The following IP6K2 variants were observed in gnomAD, a reference collection of about 807,000 sequenced individuals.
IP6K2 encodes the protein ATP:1D-myo-inositol-hexakisphosphate phosphotransferase.
Under a neutral mutation model 43.3 loss-of-function variants are expected in IP6K2, and 9 were observed. The observed-to-expected ratio is 0.21, with a 90% CI of 0.13 to 0.36. The LOEUF is 0.36. Among genes scored for constraint, IP6K2 ranks in the 10% least tolerant of loss-of-function variants. IP6K2 has a pLI of 1.00. For missense variants in IP6K2, 332 were observed against 538.4 expected (o/e 0.62, Z 3.79); for synonymous variants, 209 against 202.4 (o/e 1.03, Z -0.28).
At chr3:48,696,985 G>A (rs920702831) in intron 1 of IP6K2, among the ~76,000 whole-genome samples, 5 of 151,812 alleles carry the variant, frequency 3.3e-5, no homozygotes, top group African/African-American at 9.7e-5. Flanking sequence ...TGCCTCTAGG[G>A]CACATGATAT....
chr3:48,695,348 C>T lies in IP6K2; in HGVS notation c.-57G>A, dbSNP rs753311097. On this transcript the variant is annotated 5_prime_UTR_variant, in exon 2 of 6. Coordinates refer to ENST00000328631, the MANE Select transcript of IP6K2 (RefSeq NM_016291.4). The surrounding 1 kb of genome is among the most constrained non-coding windows in gnomAD (Gnocchi z 4.6). ...AGGCAGCGGAGTCCAGCGGCCAGTA[C>T]GTCTTCTGTCTGTTGTTTGTCCGTG... 13 of 1,547,354 alleles carry T rather than the reference C, an allele frequency of 8.4e-6. No homozygotes were observed. In the Admixed American group the frequency reaches 1.4e-4, roughly 16 times the overall value.
At chr3:48,708,973 T>C (rs71324917) in intron 1 of IP6K2, among the ~76,000 whole-genome samples, 33 of 151,876 alleles carry the variant, frequency 2.2e-4, no homozygotes, top group Non-Finnish European at 3.1e-4. Flanking sequence ...GAGGCAGAGG[T>C]GGAGGGATCA....
chr3:48,715,571 TC>T, intron 1 of IP6K2: 2 of 1,101,446 alleles, frequency 1.8e-6, no homozygotes. Flanking sequence ...TACACTGATT[TC>T]TAGATCTCCC....
In IP6K2 at chr3:48,688,347, C is replaced by G; in HGVS notation, c.1207G>C (p.Asp403His). 6.2e-7 allele frequency: 1 copy of G among 1,614,252 alleles called. No homozygotes were observed. Among genetic ancestry groups the G allele is most frequent in the Non-Finnish European group, 8.5e-7 (1 of 1,180,042 alleles). The change falls in exon 6 of 6, where the codon GAT (aspartate) becomes CAT (histidine). Residue 403 changes from aspartate (D) to histidine (H), a missense_variant. Asp to His is a moderately conservative substitution (Grantham distance 81). Coordinates refer to ENST00000328631, the MANE Select transcript of IP6K2 (RefSeq NM_016291.4). The surrounding 1 kb of genome is among the most constrained non-coding windows in gnomAD (Gnocchi z 5.1). ...GEDTVVHEGQDAGYIFGLQSL... is the reference protein window; with the variant it reads ...GEDTVVHEGQHAGYIFGLQSL... Reference sequence around the variant, plus strand: ...TGGAGCCCGAAGATATAGCCAGCATCCTGGCCCTCATGCACCACGGTGTCC... The same window carrying G: ...TGGAGCCCGAAGATATAGCCAGCATGCTGGCCCTCATGCACCACGGTGTCC...
chr3:48,695,021 G>A lies in IP6K2; in HGVS notation c.202+69C>T. On this transcript the variant is annotated intron_variant, in intron 2 of 5. Coordinates refer to ENST00000328631, the MANE Select transcript of IP6K2 (RefSeq NM_016291.4). The surrounding 1 kb of genome is among the most constrained non-coding windows in gnomAD (Gnocchi z 4.6). The stretch of plus-strand genomic sequence containing the variant: ...GAGGGCTCCAGGGATGGCTGCCAGG[G>A]CCTTCCATGGCCACGATCTCTCACA... 6.2e-7 allele frequency: 1 copy of A among 1,613,738 alleles called. No homozygotes were observed. Among genetic ancestry groups the A allele is most frequent in the Non-Finnish European group, 8.5e-7 (1 of 1,179,842 alleles).
chr3:48,704,595 A>G (rs1380806280), intron 1 of IP6K2, among the ~76,000 whole-genome samples: 1 of 151,734 alleles, frequency 6.6e-6, no homozygotes, highest in East Asian at 1.9e-4. Flanking sequence ...CAGCTTCCCA[A>G]GTTGCTGGGA....
intron 3 of IP6K2, 134 bp from the exon 4 acceptor site, chr3:48,691,616 G>A: frequency 1.6e-6 from 1 of 607,780 alleles, no homozygotes; most frequent in African/African-American, 1.9e-5. Context: ...AGGAGTTGGA[G>A]ACCAGCCTGG....
At chr3:48,704,948 A>AT (rs971625853) in intron 1 of IP6K2, among the ~76,000 whole-genome samples, 30 of 144,730 alleles carry the variant, frequency 2.1e-4, no homozygotes, top group South Asian at 6.5e-4. Context: ...AATTTTTCTA[A>AT]TTTTTTTTTT....
intron 1 of IP6K2, among the ~76,000 whole-genome samples, chr3:48,709,110 T>G (rs1166619244): frequency 2.6e-5 from 4 of 152,186 alleles, no homozygotes; most frequent in Non-Finnish European, 5.9e-5. Flanking sequence ...CAGACAAGAT[T>G]ATATGTTTCC....
chr3:48,691,494 T>C lies in IP6K2; in HGVS notation c.429-12A>G. ...CTTCTAACTTATGGCTATAAAGAGA[T>C]AAGGACCAATAAATCAGTATGTCTT... On this transcript the variant is annotated splice_polypyrimidine_tract_variant and intron_variant, in intron 3 of 5. Transcript: ENST00000328631. The C allele has an allele frequency of 6.3e-7, 1 of 1,588,642 alleles. No individual in the cohort carries two copies. Among genetic ancestry groups the C allele is most frequent in the Non-Finnish European group, 8.6e-7 (1 of 1,161,546 alleles).
chr3:48,695,518 AAC>A lies in IP6K2; in HGVS notation c.-130-99_-130-98del, dbSNP rs1470618642. 2.3e-6 allele frequency: 3 copies of A among 1,295,086 alleles called. No homozygotes were observed. The African/African-American group carries it at 4.4e-5, about 19-fold the overall frequency. 80.2% of individuals were successfully genotyped at this position (1,295,086 alleles called of 1,614,324 possible). ...CTCCTTCAGCAGAAAGACAAAGACA[AAC>A]AGTCTGAGTTCTTGCGGGACTCCGC... On this transcript the variant is annotated intron_variant, in intron 1 of 5. Coordinates refer to ENST00000328631, the MANE Select transcript of IP6K2 (RefSeq NM_016291.4). The surrounding 1 kb of genome is among the most constrained non-coding windows in gnomAD (Gnocchi z 4.6).
intron 1 of IP6K2, among the ~76,000 whole-genome samples, chr3:48,713,643 G>C (rs1422449681): frequency 6.6e-6 from 1 of 152,166 alleles, no homozygotes; most frequent in Non-Finnish European, 1.5e-5. Flanking sequence ...AGTAAGATAG[G>C]TGGATACATA....
intron 1 of IP6K2, among the ~76,000 whole-genome samples, chr3:48,702,728 C>CTT (rs1559541346): frequency 1.3e-5 from 2 of 152,152 alleles, no homozygotes; most frequent in East Asian, 1.9e-4. Flanking sequence ...ACATACTCTA[C>CTT]GTTTCTTACT....
At chr3:48,689,475 C>A in intron 5 of IP6K2, 63 bp downstream of exon 5, 2 of 1,522,888 alleles carry the variant, frequency 1.3e-6, no homozygotes, top group South Asian at 1.2e-5. Context: ...GCAAACAGGA[C>A]TATACCAGGG....
intron 1 of IP6K2, chr3:48,711,266 AC>A (rs1281922594): frequency 2.6e-5 from 4 of 152,148 alleles, no homozygotes; most frequent in African/African-American, 9.7e-5. Context: ...GCCAACTGGC[AC>A]CCCTGTAAAT....
intron 1 of IP6K2, among the ~76,000 whole-genome samples, chr3:48,704,005 T>C (rs947420158): frequency 5.9e-5 from 9 of 151,832 alleles, no homozygotes; most frequent in Non-Finnish European, 1.2e-4. Context: ...GGTAGGAGAA[T>C]TGCTTGAACC....
intron 1 of IP6K2, among the ~76,000 whole-genome samples, chr3:48,706,988 TTTTG>T (rs1425817219): frequency 6.6e-6 from 1 of 152,216 alleles, no homozygotes; most frequent in Non-Finnish European, 1.5e-5. Context: ...TTGTACATTA[TTTTG>T]TTTAAAGATG....
chr3:48,690,686 G>C (rs1346044138), intron 4 of IP6K2, among the ~76,000 whole-genome samples: 3 of 151,912 alleles, frequency 2.0e-5, no homozygotes, highest in Non-Finnish European at 2.9e-5. Flanking sequence ...CTACTTGGGT[G>C]GCTGAGGCAT....
chr3:48,713,880 G>T (rs913829366), intron 1 of IP6K2, among the ~76,000 whole-genome samples: 4 of 152,096 alleles, frequency 2.6e-5, no homozygotes, highest in African/African-American at 7.2e-5. Context: ...ACTTTGGGAG[G>T]CCGAGGTGGG....
Sources: allele counts gnomAD v4.1 joint callset (sites outside exome capture counted in the v4.1 genomes callset), GRCh38; gene constraint gnomAD v4.1.1; non-coding constraint Gnocchi (gnomAD v3.1); transcripts MANE v1.5; gene names NCBI Gene and HGNC (gene_info 2026-07-23, HGNC 2026-07-21).